Variants in STS observed in about 807,000 individuals in gnomAD.
STS encodes the protein steroid sulfatase, also known as steryl-sulfatase.
STS carries 7 observed loss-of-function variants against 26.8 expected under a neutral mutation model. The observed-to-expected ratio is 0.26, with a 90% CI of 0.15 to 0.49. The LOEUF (loss-of-function observed/expected upper bound fraction) is 0.49. Among genes scored for constraint, STS ranks in the 20% least tolerant of loss-of-function variants. The probability of loss-of-function intolerance (pLI) is 0.98; values close to 1 mark genes in which losing one functional copy is unlikely to be tolerated. For missense variants in STS, 434 were observed against 465.6 expected (o/e 0.93, Z 0.63); for synonymous variants, 199 against 189.4 (o/e 1.05, Z -0.42).
intron 8 of STS, among the ~76,000 whole-genome samples, chrX:7,308,764 G>A (rs1246617759): frequency 8.9e-6 from 1 of 111,948 alleles, no homozygotes; most frequent in Admixed American, 9.5e-5. Flanking sequence ...AGTTCACAGT[G>A]AAACACTGTT....
intron 2 of STS, among the ~76,000 whole-genome samples, chrX:7,235,157 T>C (rs1356663772): frequency 1.8e-5 from 2 of 112,070 alleles, no homozygotes; most frequent in Non-Finnish European, 3.8e-5. Flanking sequence ...GGAGGTTGGG[T>C]AGAGGTCTTA....
intron 7 of STS, among the ~76,000 whole-genome samples, chrX:7,284,497 C>T (rs1160600046): frequency 2.7e-5 from 3 of 112,373 alleles, no homozygotes; most frequent in South Asian, 3.7e-4. Flanking sequence ...AGAAATAGAA[C>T]GTGGAAGCAT....
chrX:7,155,382 C>T (rs1349521263), intron 1 of STS, among the ~76,000 whole-genome samples: 3 of 111,903 alleles, frequency 2.7e-5, no homozygotes, highest in Non-Finnish European at 3.8e-5. Context: ...GTCAGCGTGA[C>T]ACCAAACACA....
chrX:7,337,278 C>T (rs902465660), intron 10 of STS, among the ~76,000 whole-genome samples: 3 of 112,034 alleles, frequency 2.7e-5, no homozygotes, highest in African/African-American at 9.7e-5. Flanking sequence ...ATCGTCTTAG[C>T]GCTGGCATCT....
chrX:7,298,929 C>G (rs1332837811), intron 7 of STS, among the ~76,000 whole-genome samples: 3 of 101,864 alleles, frequency 2.9e-5, no homozygotes, highest in African/African-American at 1.1e-4. Flanking sequence ...ATCTACCTAT[C>G]TATCTAGCAT....
At chrX:7,215,971 C>T (rs1346386655) in intron 2 of STS, among the ~76,000 whole-genome samples, 1 of 111,770 alleles carries the variant, frequency 8.9e-6, no homozygotes, top group Non-Finnish European at 1.9e-5. Flanking sequence ...TGCTTGGCAC[C>T]CCCAGGGAAA....
rs1928858819 is a variant in STS, at chrX:7,352,809, A to T, written c.*2548A>T. The T allele has an allele frequency of 9.0e-6, 1 of 110,995 alleles. No individual in the cohort carries two copies. The highest frequency in any genetic ancestry group is 1.9e-5 in the Non-Finnish European group (1 of 53,070). 9.1% of individuals were successfully genotyped at this position (110,995 alleles called of 1,213,427 possible). ...ATGACGTATACATAGGCATCATTTCACAAGGTCAGTAATGCTGCAGGAAAA... is the reference window on the plus strand; with the variant it reads ...ATGACGTATACATAGGCATCATTTCTCAAGGTCAGTAATGCTGCAGGAAAA... On this transcript the variant is annotated 3_prime_UTR_variant, in exon 11 of 11. Transcript: ENST00000674429.
rs1228698399 is a variant in STS, at chrX:7,351,176, T to C, written c.*915T>C. The C allele has an allele frequency of 8.9e-6, 1 of 112,324 alleles. No homozygotes were observed. The highest frequency in any genetic ancestry group is 3.2e-5 in the African/African-American group (1 of 30,917). 9.3% of individuals were successfully genotyped at this position (112,324 alleles called of 1,213,427 possible). A position where few individuals can be genotyped will look rare whatever the true frequency, so the allele number is the denominator to read the frequency against. The stretch of plus-strand genomic sequence containing the variant: ...AATTAAAAGCCCACTGTGGAGATGC[T>C]GTGGTTCATGGAATCTCTTCCAGTG... On this transcript the variant is annotated 3_prime_UTR_variant, in exon 11 of 11. Coordinates refer to ENST00000674429, the MANE Select transcript of STS (RefSeq NM_001320752.2).
intron 1 of STS, among the ~76,000 whole-genome samples, chrX:7,176,639 G>A (rs984539832): frequency 9.7e-5 from 9 of 92,371 alleles, no homozygotes; most frequent in Non-Finnish European, 2.0e-4. Context: ...GGCAGAAGGG[G>A]AAGCAACATG....
intron 2 of STS, among the ~76,000 whole-genome samples, chrX:7,240,722 A>G (rs1042355529): frequency 9.2e-6 from 1 of 108,278 alleles, no homozygotes; most frequent in East Asian, 2.9e-4. Flanking sequence ...ACATCCAGGC[A>G]ATTACCAGCT....
chrX:7,344,283 G>A (rs910340446), intron 10 of STS, among the ~76,000 whole-genome samples: 3 of 111,578 alleles, frequency 2.7e-5, no homozygotes, highest in Non-Finnish European at 5.7e-5. Flanking sequence ...CATTCTCTGT[G>A]CTGGAGGCTG....
chrX:7,195,712 G>A (rs1047416919), intron 2 of STS, among the ~76,000 whole-genome samples: 1 of 112,157 alleles, frequency 8.9e-6, no homozygotes. Context: ...GAACCCTCAG[G>A]GTTCCTCAGG....
intron 1 of STS, 113 bp downstream of exon 1, chrX:7,148,196 T>G: frequency 1.6e-6 from 1 of 613,185 alleles, no homozygotes; most frequent in Non-Finnish European, 2.3e-6. Flanking sequence ...CTGAGGACCT[T>G]CTCGCGCGCC....
intron 7 of STS, 130 bp downstream of exon 7, chrX:7,276,217 T>C (rs1924531061): frequency 1.2e-6 from 1 of 853,092 alleles, no homozygotes; most frequent in African/African-American, 2.0e-5. Flanking sequence ...TTTTTGAAAG[T>C]AACCAAAAAT....
At chrX:7,343,013 G>T in intron 10 of STS, among the ~76,000 whole-genome samples, 1 of 110,943 alleles carries the variant, frequency 9.0e-6, no homozygotes, top group East Asian at 2.8e-4. Context: ...TACTGAGGGG[G>T]CAGGCCTAGG....
At chrX:7,272,714 AC>A (rs1322249638) in intron 6 of STS, among the ~76,000 whole-genome samples, 1 of 111,879 alleles carries the variant, frequency 8.9e-6, no homozygotes, top group Non-Finnish European at 1.9e-5. Context: ...AATTCATGCC[AC>A]CTGCCAATCA....
chrX:7,311,500 G>A (rs1434822801), intron 8 of STS, among the ~76,000 whole-genome samples: 1 of 111,431 alleles, frequency 9.0e-6, no homozygotes, highest in Admixed American at 9.5e-5. Context: ...ACTTGTAGAT[G>A]TGTCACTCCA....
chrX:7,293,073 G>C (rs771518153), intron 7 of STS, among the ~76,000 whole-genome samples: 12 of 111,648 alleles, frequency 1.1e-4, no homozygotes, highest in African/African-American at 3.9e-4. Flanking sequence ...TGTTTTGGGA[G>C]GGAGAAGAAT....
At chrX:7,149,872 T>G (rs1932976090) in intron 1 of STS, among the ~76,000 whole-genome samples, 1 of 112,115 alleles carries the variant, frequency 8.9e-6, no homozygotes, top group African/African-American at 3.2e-5. Flanking sequence ...AAGAACACGA[T>G]TCTTATTGGA....
Sources: gnomAD v4.1 joint callset for allele counts (sites outside exome capture counted in the v4.1 genomes callset) on GRCh38, gnomAD v4.1.1 for gene constraint, MANE v1.5 for transcripts, NCBI Gene and HGNC (gene_info 2026-07-23, HGNC 2026-07-21) for gene names.